The following CCDC150 variants were observed in gnomAD, a reference collection of about 807,000 sequenced individuals.
CCDC150 encodes coiled-coil domain containing 150.
In CCDC150, 151 loss-of-function variants were observed where a neutral mutation model predicts 156.5. The observed-to-expected ratio is 0.97, with a 90% CI of 0.85 to 1.10. The LOEUF (loss-of-function observed/expected upper bound fraction) is 1.10, where lower values mean the gene tolerates loss of function less well. Among genes scored for constraint, CCDC150 ranks in the 50% least tolerant of loss-of-function variants. The pLI, the probability that CCDC150 is intolerant of heterozygous loss-of-function variation, is 0.00. For synonymous variants in CCDC150, 452 were observed against 429.4 expected (o/e 1.05, Z -0.65); for missense variants, 1,312 against 1,268.1 (o/e 1.03, Z -0.53).
chr2:196,675,423 G>T (rs960072600), intron 10 of CCDC150, among the ~76,000 whole-genome samples: 2 of 152,084 alleles, frequency 1.3e-5, no homozygotes, highest in African/African-American at 2.4e-5. Flanking sequence ...CATTTTACCA[G>T]TGTGAAGACT....
chr2:196,660,638 C>G (rs1693504975), intron 5 of CCDC150, among the ~76,000 whole-genome samples: 1 of 152,092 alleles, frequency 6.6e-6, no homozygotes, highest in African/African-American at 2.4e-5. Flanking sequence ...GACTTTTACC[C>G]CATTTTGTAA....
At position 196,721,581 on chromosome 2, in the gene CCDC150, G is replaced by A. The variant is rs780264773; in HGVS notation, c.2319G>A (p.Met773Ile). Residue 773 changes from methionine to isoleucine, a missense_variant, in exon 21 of 28, where the codon ATG (methionine) becomes ATA (isoleucine). By Grantham distance (10) the Met-to-Ile change is conservative. Transcript: ENST00000389175. ...GAGAAGACAACAGGAAACTTGCTATGAGTCTGGAACAAGCTCTCCAGACAA... is the reference window on the plus strand; with the variant it reads ...GAGAAGACAACAGGAAACTTGCTATAAGTCTGGAACAAGCTCTCCAGACAA... The part of the protein sequence containing the change: ...VAREDNRKLA[M>I]SLEQALQTNN... 8 of 1,608,418 alleles carry A rather than the reference G, an allele frequency of 5.0e-6. No homozygotes were observed. Among genetic ancestry groups the A allele is most frequent in the Non-Finnish European group, 6.8e-6 (8 of 1,177,672 alleles).
intron 15 of CCDC150, among the ~76,000 whole-genome samples, chr2:196,703,851 T>C (rs1233209377): frequency 1.3e-5 from 2 of 152,208 alleles, no homozygotes; most frequent in Admixed American, 6.6e-5. Flanking sequence ...ATAAAGGAAA[T>C]ACATGCCTGT....
chr2:196,710,781 G>T (rs1415613307), intron 15 of CCDC150, among the ~76,000 whole-genome samples: 1 of 152,142 alleles, frequency 6.6e-6, no homozygotes, highest in Non-Finnish European at 1.5e-5. Context: ...GAATAGGAAT[G>T]ATAGATTCAG....
chr2:196,716,068 CA>C (rs1320300985), intron 17 of CCDC150, among the ~76,000 whole-genome samples: 4 of 152,108 alleles, frequency 2.6e-5, no homozygotes, highest in Non-Finnish European at 5.9e-5. Context: ...GTTTCTTCAG[CA>C]AAGTTATGTG....
chr2:196,712,282 C>T (rs1464569058), intron 16 of CCDC150, 30 bp downstream of exon 16: 1 of 1,210,570 alleles, frequency 8.3e-7, no homozygotes, highest in South Asian at 1.5e-5. Context: ...AAGCGGATTG[C>T]TGCTATATTT....
At chr2:196,657,382 C>A in intron 4 of CCDC150, 1 of 417,276 alleles carries the variant, frequency 2.4e-6, no homozygotes, top group Non-Finnish European at 4.4e-6. Context: ...TGGTGTGGGT[C>A]CAGAGGTATG....
chr2:196,715,926 C>T (rs1697466246), intron 17 of CCDC150, among the ~76,000 whole-genome samples: 1 of 152,170 alleles, frequency 6.6e-6, no homozygotes, highest in South Asian at 2.1e-4. Flanking sequence ...AGACAAGCTA[C>T]AGACTGGGAG....
chr2:196,683,857 C>T (rs1359372031), intron 13 of CCDC150, among the ~76,000 whole-genome samples: 1 of 151,944 alleles, frequency 6.6e-6, no homozygotes, highest in Non-Finnish European at 1.5e-5. Context: ...AGAGTTCTCT[C>T]TCTGACTGCT....
chr2:196,641,983 A>C (rs1385197249), intron 1 of CCDC150, among the ~76,000 whole-genome samples: 1 of 152,170 alleles, frequency 6.6e-6, no homozygotes, highest in Non-Finnish European at 1.5e-5. Flanking sequence ...TTTTCTTGCC[A>C]TGCTTTCCAT....
chr2:196,721,556 G>A lies in CCDC150; in HGVS notation c.2294G>A (p.Arg765Lys), dbSNP rs1302010616. The A allele has an allele frequency of 1.9e-6, 3 of 1,607,914 alleles. No homozygotes were observed. The South Asian group carries it at 3.4e-5, about 18-fold the overall frequency. ...ESLQKALGVA[R>K]EDNRKLAMSL... ...CTACAAAAAGCTCTAGGTGTAGCTA[G>A]AGAAGACAACAGGAAACTTGCTATG... The change falls in exon 21 of 28, where the codon AGA becomes AAA. Residue 765 changes from arginine (R) to lysine (K), a missense_variant. Physicochemically the swap from Arg to Lys is conservative, Grantham distance 26. Coordinates refer to ENST00000389175, the MANE Select transcript of CCDC150 (RefSeq NM_001080539.2).
intron 22 of CCDC150, 96 bp from the exon 23 acceptor site, chr2:196,729,097 A>G (rs1339302263): frequency 5.4e-6 from 6 of 1,116,512 alleles, no homozygotes; most frequent in Admixed American, 2.9e-5. Flanking sequence ...CCTTTTTAAA[A>G]GAAGATCCAA....
chr2:196,648,782 A>G lies in CCDC150; in HGVS notation c.176+2278A>G, dbSNP rs149099823. 2.8e-3 allele frequency among the ~76,000 whole-genome samples: 433 copies of G among 152,220 alleles called. 5 individuals are homozygous for G. Among genetic ancestry groups the G allele is most frequent in the African/African-American group, 9.9e-3 (412 of 41,562 alleles). On this transcript the variant is annotated intron_variant, in intron 2 of 27. Transcript: ENST00000389175. ...TTTAGTTTCAGGTCTTATGTTTTAC[A>G]TCTGTCTTTAATCCATTCTGAGTTG...
At chr2:196,683,199 T>C (rs747043240) in intron 13 of CCDC150, among the ~76,000 whole-genome samples, 10 of 152,012 alleles carry the variant, frequency 6.6e-5, no homozygotes, top group Non-Finnish European at 1.3e-4. Context: ...CCCTCTATTC[T>C]CAGTTTGTTG....
At chr2:196,667,996 A>AT (rs1482063092) in intron 7 of CCDC150, 3 of 152,192 alleles carry the variant, frequency 2.0e-5, no homozygotes, top group Non-Finnish European at 2.9e-5. Context: ...AAATACACAC[A>AT]TTCTATAGAA....
At chr2:196,676,380 T>G in intron 11 of CCDC150, 113 bp downstream of exon 11, 1 of 1,429,726 alleles carries the variant, frequency 7.0e-7, no homozygotes. Context: ...CTGCATTTTT[T>G]GGGCCAGCCA....
At chr2:196,726,521 C>T (rs777931490) in intron 22 of CCDC150, 15 of 156,892 alleles carry the variant, frequency 9.6e-5, no homozygotes, top group Non-Finnish European at 1.7e-4. Context: ...ATCTCCACTC[C>T]GGAAATGAGA....
chr2:196,675,080 T>A (rs1341704424), intron 10 of CCDC150, among the ~76,000 whole-genome samples: 1 of 152,152 alleles, frequency 6.6e-6, no homozygotes, highest in Non-Finnish European at 1.5e-5. Flanking sequence ...TCAATGTATA[T>A]AATCATTATG....
chr2:196,652,039 C>T lies in CCDC150; in HGVS notation c.177-4594C>T, dbSNP rs116218462. Reference sequence around the variant, plus strand: ...CATTACCATGGGGAGGGCACCAAGCCGTTCATGAGGGATCTGCCCCTATGA... The same window carrying T: ...CATTACCATGGGGAGGGCACCAAGCTGTTCATGAGGGATCTGCCCCTATGA... On this transcript the variant is annotated intron_variant, in intron 2 of 27. Transcript: ENST00000389175. 7.2e-3 allele frequency among the ~76,000 whole-genome samples: 1,090 copies of T among 152,218 alleles called. 18 individuals are homozygous for T. Among genetic ancestry groups the T allele is most frequent in the African/African-American group, 0.025 (1,045 of 41,516 alleles).
Sources: allele counts gnomAD v4.1 joint callset (sites outside exome capture counted in the v4.1 genomes callset), GRCh38; gene constraint gnomAD v4.1.1; transcripts MANE v1.5; gene names NCBI Gene and HGNC (gene_info 2026-07-23, HGNC 2026-07-21).